TMEM45B: variants seen among roughly 807,000 people sequenced by gnomAD.
TMEM45B encodes transmembrane protein 45B.
TMEM45B carries 29 observed loss-of-function variants against 27.3 expected under a neutral mutation model. The observed-to-expected ratio is 1.06, with a 90% CI of 0.79 to 1.45. The LOEUF is 1.45. Ranked by LOEUF, TMEM45B falls within the 40% of genes most tolerant of loss-of-function variation. TMEM45B has a pLI of 0.00. For missense variants in TMEM45B, 348 were observed against 343.9 expected (o/e 1.01, Z -0.09); for synonymous variants, 143 against 134.7 (o/e 1.06, Z -0.43).
chr11:129,837,604 A>C (rs1947639017), intron 1 of TMEM45B, among the ~76,000 whole-genome samples: 1 of 28,376 alleles, frequency 3.5e-5, no homozygotes, highest in Non-Finnish European at 8.3e-5. Flanking sequence ...TTTTTTTGAG[A>C]CAGGGTCTCC....
chr11:129,830,689 C>T (rs1226438349), intron 1 of TMEM45B, among the ~76,000 whole-genome samples: 1 of 152,094 alleles, frequency 6.6e-6, no homozygotes, highest in African/African-American at 2.4e-5. Context: ...TCTCCATGTG[C>T]CCAATAAGCA....
intron 1 of TMEM45B, among the ~76,000 whole-genome samples, chr11:129,831,738 A>T (rs1237712626): frequency 2.6e-5 from 4 of 152,226 alleles, no homozygotes; most frequent in Non-Finnish European, 2.9e-5. Flanking sequence ...ACAAAATGTG[A>T]CACATCCATA....
At chr11:129,848,050 G>C (rs1261149413) in intron 1 of TMEM45B, among the ~76,000 whole-genome samples, 34 of 151,600 alleles carry the variant, frequency 2.2e-4, no homozygotes, top group African/African-American at 7.0e-4. Flanking sequence ...GCCAGGCAGA[G>C]GGGCTCCTCA....
In TMEM45B at chr11:129,854,494, G is replaced by A. The variant is rs114797654; in HGVS notation, c.179-116G>A. On this transcript the variant is annotated intron_variant, in intron 2 of 5. Coordinates refer to ENST00000281441, the MANE Select transcript of TMEM45B (RefSeq NM_138788.5). Reference sequence around the variant, plus strand: ...CAGCAAAGTAGCTCTGCTGACCCGCGGGCCACCCTCACCTCACCCCATCTC... The same window carrying A: ...CAGCAAAGTAGCTCTGCTGACCCGCAGGCCACCCTCACCTCACCCCATCTC... 2,080 of 1,001,526 alleles carry A rather than the reference G, an allele frequency of 2.1e-3. 24 individuals are homozygous for A. The African/African-American group carries it at 0.024, about 12-fold the overall frequency. 62.0% of individuals were successfully genotyped at this position (1,001,526 alleles called of 1,614,324 possible).
At chr11:129,832,572 A>G (rs953174883) in intron 1 of TMEM45B, among the ~76,000 whole-genome samples, 2 of 147,182 alleles carry the variant, frequency 1.4e-5, no homozygotes, top group African/African-American at 2.5e-5. Context: ...ATGACCATCA[A>G]TTTGTATGGG....
chr11:129,822,074 AT>A (rs1443045770), intron 1 of TMEM45B, among the ~76,000 whole-genome samples: 11 of 152,184 alleles, frequency 7.2e-5, no homozygotes, highest in East Asian at 1.9e-4. Flanking sequence ...ATTTTAAAAA[AT>A]ATCCCATGTT....
chr11:129,821,713 C>T (rs1947422004), intron 1 of TMEM45B, among the ~76,000 whole-genome samples: 1 of 152,296 alleles, frequency 6.6e-6, no homozygotes, highest in African/African-American at 2.4e-5. Context: ...ATTCTACTTT[C>T]TTACGGTGCT....
chr11:129,823,012 T>C (rs1947438580), intron 1 of TMEM45B, among the ~76,000 whole-genome samples: 1 of 152,016 alleles, frequency 6.6e-6, no homozygotes, highest in African/African-American at 2.4e-5. Context: ...AGCTAATTTT[T>C]GTATTTTTAG....
intron 1 of TMEM45B, among the ~76,000 whole-genome samples, chr11:129,832,728 T>C (rs1947565449): frequency 6.6e-6 from 1 of 152,132 alleles, no homozygotes; most frequent in African/African-American, 2.4e-5. Flanking sequence ...TTACGGTACG[T>C]AAATTATATG....
At chr11:129,838,238 T>C (rs971112040) in intron 1 of TMEM45B, among the ~76,000 whole-genome samples, 3 of 152,096 alleles carry the variant, frequency 2.0e-5, no homozygotes, top group African/African-American at 7.2e-5. Context: ...AGCCTCGACA[T>C]TGCTGATACT....
intron 1 of TMEM45B, 143 bp downstream of exon 1, chr11:129,816,041 G>A: frequency 8.4e-7 from 1 of 1,197,262 alleles, no homozygotes; most frequent in Non-Finnish European, 1.1e-6. Flanking sequence ...GACAGGGAGG[G>A]GCTCTGGGAC....
rs115525898 is a variant in TMEM45B, at chr11:129,844,754, C to A, written c.-8-7721C>A. On this transcript the variant is annotated intron_variant, in intron 1 of 5. Coordinates refer to ENST00000281441, the MANE Select transcript of TMEM45B (RefSeq NM_138788.5). ...GCTAAGAGAGTAGATCTTAAGGATT[C>A]TCATTACAAAGGAAAGGAAAGGGTA... is the stretch of plus-strand genomic sequence containing the variant. Among the ~76,000 whole-genome samples, 283 of 152,138 alleles carry A rather than the reference C, an allele frequency of 1.9e-3. 1 individual carries two copies. Among genetic ancestry groups the A allele is most frequent in the African/African-American group, 6.4e-3 (267 of 41,482 alleles).
chr11:129,819,716 C>T (rs188682941), intron 1 of TMEM45B, among the ~76,000 whole-genome samples: 1 of 151,862 alleles, frequency 6.6e-6, no homozygotes, highest in Admixed American at 6.6e-5. Flanking sequence ...CCACCACGCC[C>T]AGCTAATTTT....
intron 1 of TMEM45B, among the ~76,000 whole-genome samples, chr11:129,817,242 A>C (rs1169684836): frequency 6.6e-6 from 1 of 152,106 alleles, no homozygotes; most frequent in Non-Finnish European, 1.5e-5. Flanking sequence ...ACTGTTTTTA[A>C]CCAGATGTGT....
chr11:129,845,337 ATGTGTGTGTG>A lies in TMEM45B; in HGVS notation c.-8-7116_-8-7107del, dbSNP rs10628378. Among the ~76,000 whole-genome samples the A allele has an allele frequency of 2.6e-4, 32 of 121,528 alleles. No individual in the cohort carries two copies. In the South Asian group the frequency reaches 4.4e-3, roughly 17 times the overall value. 79.7% of individuals were successfully genotyped at this position (121,528 alleles called of 152,430 possible). A position where few individuals can be genotyped will look rare whatever the true frequency, so the allele number is the denominator to read the frequency against. On this transcript the variant is annotated intron_variant, in intron 1 of 5. Transcript: ENST00000281441. ...GGGGTAGGAAATAGAGCTATTATAG[ATGTGTGTGTG>A]TGTGTGTGTGTGTGTGTGTGTATGC...
At chr11:129,820,300 G>A (rs905120209) in intron 1 of TMEM45B, among the ~76,000 whole-genome samples, 3 of 149,892 alleles carry the variant, frequency 2.0e-5, no homozygotes, top group South Asian at 2.2e-4. Flanking sequence ...TGGACAACAA[G>A]AGCGAAACTC....
In TMEM45B at chr11:129,857,338, T is replaced by C; in HGVS notation, c.596T>C (p.Phe199Ser). 6.2e-7 allele frequency: 1 copy of C among 1,614,222 alleles called. No homozygotes were observed. Among genetic ancestry groups the C allele is most frequent in the Non-Finnish European group, 8.5e-7 (1 of 1,180,040 alleles). The change falls in exon 5 of 6, where the codon TTT becomes TCT. Residue 199 changes from phenylalanine to serine, a missense_variant. Phe to Ser is a radical substitution (Grantham distance 155). Coordinates refer to ENST00000281441, the MANE Select transcript of TMEM45B (RefSeq NM_138788.5). Reference sequence around the variant, plus strand: ...ATTGGGTTTGTGCTGTTCCCACCTTTTGGAACACCCGAATGGGACCAGAAG... The same window carrying C: ...ATTGGGTTTGTGCTGTTCCCACCTTCTGGAACACCCGAATGGGACCAGAAG... ...WQIGFVLFPP[F>S]GTPEWDQKDD...
At chr11:129,833,357 G>T (rs560632616) in intron 1 of TMEM45B, among the ~76,000 whole-genome samples, 22 of 152,120 alleles carry the variant, frequency 1.4e-4, no homozygotes, top group Admixed American at 7.2e-4. Flanking sequence ...AAGTGTATAT[G>T]TTGAAGTCCT....
intron 1 of TMEM45B, 52 bp from the exon 2 acceptor site, chr11:129,852,423 A>G: frequency 6.6e-7 from 1 of 1,510,790 alleles, no homozygotes; most frequent in Non-Finnish European, 9.0e-7. Context: ...CAAAATATAC[A>G]TTTGTTTGCT....
Sources: gnomAD v4.1 joint callset for allele counts (sites outside exome capture counted in the v4.1 genomes callset) on GRCh38, gnomAD v4.1.1 for gene constraint, MANE v1.5 for transcripts, NCBI Gene and HGNC (gene_info 2026-07-23, HGNC 2026-07-21) for gene names.